The following SAXO1 variants were observed in gnomAD, a reference collection of about 807,000 sequenced individuals.
SAXO1 encodes the protein 4930500O09Rik.
A neutral mutation model predicts 17.5 loss-of-function variants in SAXO1; 21 were observed. That is an observed-to-expected ratio of 1.20 (90% CI 0.85 to 1.72). SAXO1 has a LOEUF of 1.72. Among genes scored for constraint, SAXO1 ranks in the 40% most tolerant of loss-of-function variants. The pLI, the probability that SAXO1 is intolerant of heterozygous loss-of-function variation, is 0.00. For synonymous variants in SAXO1, 274 were observed against 216.5 expected (o/e 1.27, Z -2.33); for missense variants, 843 against 596.0 (o/e 1.41, Z -4.32).
At chr9:18,953,495 G>A (rs1832121739) in intron 1 of SAXO1, among the ~76,000 whole-genome samples, 1 of 152,202 alleles carries the variant, frequency 6.6e-6, no homozygotes, top group Non-Finnish European at 1.5e-5. Context: ...CATATTTATA[G>A]AGCAGACTTT....
Position 18,957,784 on chromosome 9 carries a change from C to A in SAXO1, c.39-6847G>T, listed in dbSNP as rs568948091. Among the ~76,000 whole-genome samples, 26 of 152,294 alleles carry A rather than the reference C, an allele frequency of 1.7e-4. 1 individual carries two copies. In the South Asian group the frequency reaches 5.4e-3, roughly 32 times the overall value. On this transcript the variant is annotated intron_variant, in intron 1 of 3. Transcript: ENST00000380534. ...TCTCTGGAATGGTGTTTTGTCTTAA[C>A]AACCCCCACAACCCAACTGGCCTCA...
chr9:18,991,142 C>A (rs188419719), intron 1 of SAXO1, among the ~76,000 whole-genome samples: 217 of 152,210 alleles, frequency 1.4e-3, no homozygotes, highest in Middle Eastern at 3.4e-3. Flanking sequence ...CCTGTAATCC[C>A]AGCTGCTCGA....
upstream of SAXO1, among the ~76,000 whole-genome samples, chr9:19,035,777 T>C (rs1835919130): frequency 6.6e-6 from 1 of 152,188 alleles, no homozygotes; most frequent in Non-Finnish European, 1.5e-5. Context: ...GCAAAGAGAC[T>C]GGTGGCATTT....
chr9:18,987,407 C>G (rs1215715327), intron 1 of SAXO1, among the ~76,000 whole-genome samples: 4 of 152,182 alleles, frequency 2.6e-5, no homozygotes, highest in Non-Finnish European at 5.9e-5. Flanking sequence ...TTCATTATAA[C>G]TGAGATTTCA....
chr9:18,973,329 C>T (rs1308623609), intron 1 of SAXO1, among the ~76,000 whole-genome samples: 2 of 152,138 alleles, frequency 1.3e-5, no homozygotes, highest in African/African-American at 4.8e-5. Context: ...AGTACCAGCA[C>T]CTTTAAAGTG....
intron 1 of SAXO1, among the ~76,000 whole-genome samples, chr9:19,006,278 C>A (rs753320315): frequency 2.6e-5 from 4 of 152,102 alleles, no homozygotes; most frequent in Non-Finnish European, 5.9e-5. Context: ...AGGTATGTAT[C>A]CAAAAGAACT....
chr9:19,019,727 CAAAAGAAAAAAGAAA>C (rs2131013739), intron 1 of SAXO1, among the ~76,000 whole-genome samples: 1 of 151,846 alleles, frequency 6.6e-6, no homozygotes, highest in Admixed American at 6.6e-5. Context: ...GACACTGTCT[CAAAAGAAAAAAGAAA>C]GAAAGAAAAA....
At chr9:19,039,796 T>C (rs1217877920) in intron 1 of SAXO1, among the ~76,000 whole-genome samples, 1 of 152,186 alleles carries the variant, frequency 6.6e-6, no homozygotes, top group Non-Finnish European at 1.5e-5. Context: ...TGGGGCCATC[T>C]CAGCTCACTG....
intron 2 of SAXO1, among the ~76,000 whole-genome samples, chr9:18,943,229 T>G (rs541054045): frequency 3.7e-4 from 57 of 152,314 alleles, no homozygotes; most frequent in African/African-American, 1.3e-3. Context: ...GATGCTTCAG[T>G]TGAACTCCCC....
At chr9:18,989,598 C>A (rs1003302144) in intron 1 of SAXO1, among the ~76,000 whole-genome samples, 1 of 151,744 alleles carries the variant, frequency 6.6e-6, no homozygotes, top group African/African-American at 2.4e-5. Context: ...CGTGATACTT[C>A]ATTCTTCAAA....
chr9:18,953,405 T>C (rs7034201), intron 1 of SAXO1, among the ~76,000 whole-genome samples: 125,924 of 152,148 alleles, frequency 0.83, 52,565 homozygotes, highest in African/African-American at 0.93. Context: ...GCAATATGAT[T>C]GGCATCATGA....
chr9:18,985,157 G>C (rs1438833418), intron 1 of SAXO1, among the ~76,000 whole-genome samples: 1 of 152,030 alleles, frequency 6.6e-6, no homozygotes, highest in Non-Finnish European at 1.5e-5. Flanking sequence ...CCGATTGGTG[G>C]AGTAGTCAGA....
At chr9:18,949,604 C>T (rs2131725565) in intron 2 of SAXO1, among the ~76,000 whole-genome samples, 1 of 152,272 alleles carries the variant, frequency 6.6e-6, no homozygotes, top group Non-Finnish European at 1.5e-5. Context: ...GGTGCTCCTG[C>T]CCCATTACCC....
At chr9:18,930,319 C>G (rs1021811018) in intron 3 of SAXO1, among the ~76,000 whole-genome samples, 4 of 152,298 alleles carry the variant, frequency 2.6e-5, no homozygotes, top group South Asian at 4.1e-4. Context: ...CCAAGGAAAT[C>G]TGCAGTAGAG....
chr9:18,958,784 A>G (rs1832360243), intron 1 of SAXO1, among the ~76,000 whole-genome samples: 1 of 152,158 alleles, frequency 6.6e-6, no homozygotes, highest in South Asian at 2.1e-4. Context: ...GCTGTTGAAC[A>G]TGACGACTTG....
chr9:18,992,805 G>A (rs1674792476), intron 1 of SAXO1, among the ~76,000 whole-genome samples: 1 of 151,508 alleles, frequency 6.6e-6, no homozygotes, highest in Non-Finnish European at 1.5e-5. Flanking sequence ...TTTAGCTCTT[G>A]TTGCCCAGGC....
At chr9:18,962,626 T>C in intron 1 of SAXO1, among the ~76,000 whole-genome samples, 1 of 152,076 alleles carries the variant, frequency 6.6e-6, no homozygotes, top group Non-Finnish European at 1.5e-5. Context: ...GAAGCGTCTG[T>C]TCATATCGTT....
Position 19,021,433 on chromosome 9 carries a change from T to C in SAXO1, c.38+11438A>G, listed in dbSNP as rs1260173560. The stretch of plus-strand genomic sequence containing the variant: ...TGTCCACCTTCAGGTCTGTGCCCCA[T>C]GTCCCCTTTTCCCTGACTTCTCTTG... On this transcript the variant is annotated intron_variant, in intron 1 of 3. Transcript: ENST00000380534. Among the ~76,000 whole-genome samples the C allele has an allele frequency of 3.3e-5, 5 of 152,182 alleles. No individual in the cohort carries two copies. In the East Asian group the frequency reaches 5.8e-4, roughly 18 times the overall value.
chr9:18,962,861 G>A (rs563269505), intron 1 of SAXO1, among the ~76,000 whole-genome samples: 7 of 152,168 alleles, frequency 4.6e-5, no homozygotes, highest in South Asian at 2.1e-4. Flanking sequence ...TTTTAGTCAC[G>A]AAGTCTTTGC....
Sources: allele counts gnomAD v4.1 joint callset (sites outside exome capture counted in the v4.1 genomes callset), GRCh38; gene constraint gnomAD v4.1.1; transcripts MANE v1.5; gene names NCBI Gene and HGNC (gene_info 2026-07-23, HGNC 2026-07-21).